KALRN: variants seen among roughly 807,000 people sequenced by gnomAD.
KALRN encodes kalirin.
Under a neutral mutation model 353.7 loss-of-function variants are expected in KALRN, and 70 were observed. That is an observed-to-expected ratio of 0.20 (90% CI 0.16 to 0.24). The LOEUF is 0.24. KALRN is among the 10% of genes least tolerant of loss of function. The pLI is 1.00. For synonymous variants in KALRN, 1,391 were observed against 1,434.8 expected, an observed-to-expected ratio of 0.97 and a Z score of 0.69; for missense variants, 2,791 against 3,756.7, an observed-to-expected ratio of 0.74 and a Z score of 6.72.
At chr3:124,488,357 T>G in intron 29 of KALRN, 42 bp downstream of exon 29, 1 of 1,272,744 alleles carries the variant, frequency 7.9e-7, no homozygotes, top group Non-Finnish European at 1.2e-6. Context: ...CTCTCTTCCT[T>G]GACACGGGGG....
At position 124,112,100 on chromosome 3, in the gene KALRN, C is replaced by T. The variant is rs141732815; in HGVS notation, c.73+78287C>T. On this transcript the variant is annotated intron_variant, in intron 1 of 59. Transcript: ENST00000682506. ...GGCAGATCATTTGAGGTCAGGATTT[C>T]GAGACCAGACTGGCCAACATGGTGA... Among the ~76,000 whole-genome samples, 385 of 152,066 alleles carry T rather than the reference C, an allele frequency of 2.5e-3. 2 individuals are homozygous for T. The highest frequency in any genetic ancestry group is 8.7e-3 in the African/African-American group (360 of 41,480).
rs192523137 is a variant in KALRN at position 124,399,687 on chromosome 3, T to A, written c.2346+816T>A. Among the ~76,000 whole-genome samples the A allele has an allele frequency of 2.0e-5, 3 of 152,362 alleles. No individual in the cohort carries two copies. In the East Asian group the frequency reaches 5.8e-4, roughly 29 times the overall value. On this transcript the variant is annotated intron_variant, in intron 13 of 59. Transcript: ENST00000682506. ...CTGTATCCGCAGTTTGATTTCTACC[T>A]ATTAAGAAAGTAAGCCTGTGCTAAG...
chr3:124,213,710 A>G (rs1173636797), intron 1 of KALRN, among the ~76,000 whole-genome samples: 1 of 152,254 alleles, frequency 6.6e-6, no homozygotes, highest in African/African-American at 2.4e-5. Context: ...AAAGGGATAA[A>G]CCCTATTTGC....
Position 124,334,510 on chromosome 3 carries a change from G to A in KALRN, c.1647+15G>A. On this transcript the variant is annotated intron_variant, in intron 9 of 59. Coordinates refer to ENST00000682506, the MANE Select transcript of KALRN (RefSeq NM_001388419.1). The surrounding 1 kb of genome is among the most constrained non-coding windows in gnomAD (Gnocchi z 4.2). ...ATGTACAGCAGGTAACAGGCTCTGA[G>A]CCCCGGTGTCCATTATCCATTCTAG... 6.3e-7 allele frequency: 1 copy of A among 1,587,082 alleles called. No homozygotes were observed. Among genetic ancestry groups the A allele is most frequent in the Non-Finnish European group, 8.6e-7 (1 of 1,158,882 alleles).
intron 1 of KALRN, among the ~76,000 whole-genome samples, chr3:124,056,221 C>G (rs759424472): frequency 1.3e-5 from 2 of 152,076 alleles, no homozygotes; most frequent in Non-Finnish European, 2.9e-5. Context: ...GATTGCTCAG[C>G]TTTTGAAAGG....
chr3:124,045,755 G>T lies in KALRN; in HGVS notation c.73+11942G>T, dbSNP rs79100599. Reference sequence around the variant, plus strand: ...AAGGAGGTTAACAGCCTAATGGGGGGGGGGGGGTTGCCTGATACATAAACA... The same window carrying T: ...AAGGAGGTTAACAGCCTAATGGGGGTGGGGGGGTTGCCTGATACATAAACA... On this transcript the variant is annotated intron_variant, in intron 1 of 59. Coordinates refer to ENST00000682506, the MANE Select transcript of KALRN (RefSeq NM_001388419.1). Among the ~76,000 whole-genome samples the T allele has an allele frequency of 6.6e-4, 100 of 151,412 alleles. 1 individual carries two copies. Among genetic ancestry groups the T allele is most frequent in the Non-Finnish European group, 4.1e-4 (28 of 67,960 alleles).
chr3:124,679,613 G>A (rs1226913376), intron 51 of KALRN, 96 bp downstream of exon 51: 1 of 1,020,540 alleles, frequency 9.8e-7, no homozygotes, highest in Non-Finnish European at 1.6e-6. Context: ...GCCATTCAAA[G>A]ATAAATTGTG....
chr3:124,395,453 T>A, intron 12 of KALRN, 110 bp downstream of exon 12: 1 of 818,502 alleles, frequency 1.2e-6, no homozygotes. Flanking sequence ...TGTGTGAGCT[T>A]CGGTTTCTTT....
Position 124,384,841 on chromosome 3 carries a change from G to A in KALRN, c.1771-4G>A, listed in dbSNP as rs1463399469. On this transcript the variant is annotated splice_region_variant and splice_polypyrimidine_tract_variant and intron_variant, in intron 10 of 59. Transcript: ENST00000682506. Reference sequence around the variant, plus strand: ...TGACTTTGCCTCACTGTTGTTGCTGGCAGAATACGTACACCAATGCGGACA... The same window carrying A: ...TGACTTTGCCTCACTGTTGTTGCTGACAGAATACGTACACCAATGCGGACA... The A allele has an allele frequency of 1.3e-6, 2 of 1,574,602 alleles. No individual in the cohort carries two copies. The highest frequency in any genetic ancestry group is 2.3e-5 in the East Asian group (1 of 44,070).
chr3:124,209,761 TTAA>T (rs2076744948), intron 1 of KALRN, among the ~76,000 whole-genome samples: 1 of 152,244 alleles, frequency 6.6e-6, no homozygotes, highest in African/African-American at 2.4e-5. Context: ...TTCTAGAATC[TTAA>T]CTTTTGCACT....
chr3:124,526,185 A>C (rs2067574878), intron 33 of KALRN, among the ~76,000 whole-genome samples: 1 of 152,230 alleles, frequency 6.6e-6, no homozygotes, highest in African/African-American at 2.4e-5. Flanking sequence ...GATCATCACC[A>C]CATGCCAGTT....
intron 1 of KALRN, among the ~76,000 whole-genome samples, chr3:124,202,425 AT>A (rs1488527317): frequency 6.6e-6 from 1 of 151,958 alleles, no homozygotes; most frequent in Non-Finnish European, 1.5e-5. Flanking sequence ...TAATTTTTGT[AT>A]TCTTTGTAGA....
intron 2 of KALRN, among the ~76,000 whole-genome samples, chr3:124,230,451 C>T (rs1027621529): frequency 7.9e-5 from 12 of 152,188 alleles, no homozygotes; most frequent in African/African-American, 2.9e-4. Context: ...GACATGGAGA[C>T]CCTTGCTTGA....
At chr3:124,209,617 G>A (rs1176803897) in intron 1 of KALRN, among the ~76,000 whole-genome samples, 2 of 151,596 alleles carry the variant, frequency 1.3e-5, no homozygotes, top group Non-Finnish European at 2.9e-5. Flanking sequence ...AAAGGAATTT[G>A]CCTATGTGGT....
intron 6 of KALRN, among the ~76,000 whole-genome samples, chr3:124,310,377 G>C (rs942669682): frequency 6.6e-6 from 1 of 152,082 alleles, no homozygotes; most frequent in Non-Finnish European, 1.5e-5. Context: ...TCTCTATCAG[G>C]ATCCCAACTG....
At chr3:124,416,595 T>A (rs551650881) in intron 14 of KALRN, among the ~76,000 whole-genome samples, 1 of 152,366 alleles carries the variant, frequency 6.6e-6, no homozygotes, top group East Asian at 1.9e-4. Context: ...TCCCTGTCTA[T>A]GGCTGAATGC....
intron 32 of KALRN, among the ~76,000 whole-genome samples, chr3:124,493,508 AC>A (rs2063387831): frequency 6.6e-6 from 1 of 152,128 alleles, no homozygotes; most frequent in East Asian, 1.9e-4. Context: ...TGTGACACCT[AC>A]ACTTACAATG....
chr3:124,125,424 T>C (rs531572599), intron 1 of KALRN, among the ~76,000 whole-genome samples: 24 of 152,172 alleles, frequency 1.6e-4, no homozygotes, highest in Admixed American at 2.6e-4. Context: ...CAGGAGAGTT[T>C]GAAGGGAAGG....
intron 34 of KALRN, among the ~76,000 whole-genome samples, chr3:124,579,457 T>C: frequency 6.6e-6 from 1 of 152,208 alleles, no homozygotes; most frequent in East Asian, 1.9e-4. Context: ...TTAAATATAT[T>C]GCTTATAGCT....
Sources: gnomAD v4.1 joint callset for allele counts (sites outside exome capture counted in the v4.1 genomes callset) on GRCh38, gnomAD v4.1.1 for gene constraint, Gnocchi (gnomAD v3.1) non-coding constraint, MANE v1.5 for transcripts, NCBI Gene and HGNC (gene_info 2026-07-23, HGNC 2026-07-21) for gene names.